Variants in CAMTA1 observed in about 807,000 individuals in gnomAD.
CAMTA1 encodes the protein calmodulin-binding transcription activator 1.
Under a neutral mutation model 170.9 loss-of-function variants are expected in CAMTA1, and 27 were observed. That is an observed-to-expected ratio of 0.16 (90% CI 0.12 to 0.22). The LOEUF (loss-of-function observed/expected upper bound fraction) is 0.22. Among genes scored for constraint, CAMTA1 ranks in the 10% least tolerant of loss-of-function variants. The pLI is 1.00. For missense variants in CAMTA1, 1,619 were observed against 2,217.2 expected (o/e 0.73, Z 5.42); for synonymous variants, 833 against 891.5 (o/e 0.93, Z 1.17).
chr1:7,032,093 G>A (rs2101105734), intron 3 of CAMTA1, among the ~76,000 whole-genome samples: 1 of 152,166 alleles, frequency 6.6e-6, no homozygotes, highest in East Asian at 1.9e-4. Context: ...AGCCTCCTGA[G>A]TAGCTGGTAT....
intron 7 of CAMTA1, among the ~76,000 whole-genome samples, chr1:7,654,767 A>G (rs2095870901): frequency 6.7e-6 from 1 of 148,762 alleles, no homozygotes; most frequent in Non-Finnish European, 1.5e-5. Context: ...AAACACACCC[A>G]CCTAAACACA....
intron 5 of CAMTA1, among the ~76,000 whole-genome samples, chr1:7,380,833 G>T (rs2087241479): frequency 1.3e-5 from 2 of 152,204 alleles, no homozygotes; most frequent in African/African-American, 4.8e-5. Context: ...GATCATTCTG[G>T]ATTGCTAAGC....
chr1:7,229,798 C>T (rs1360837210), intron 4 of CAMTA1, among the ~76,000 whole-genome samples: 1 of 152,072 alleles, frequency 6.6e-6, no homozygotes, highest in East Asian at 1.9e-4. Context: ...GGTTATAAAA[C>T]AGTTGATGTT....
At chr1:7,556,408 A>G (rs183892080) in intron 6 of CAMTA1, among the ~76,000 whole-genome samples, 1 of 152,274 alleles carries the variant, frequency 6.6e-6, no homozygotes, top group Admixed American at 6.5e-5. Context: ...AAATACAGAA[A>G]ATAAAATGGC....
intron 11 of CAMTA1, among the ~76,000 whole-genome samples, chr1:7,731,340 G>A (rs539785920): frequency 3.2e-4 from 48 of 152,158 alleles, no homozygotes; most frequent in Admixed American, 3.0e-3. Flanking sequence ...TTGGGAGGCC[G>A]AGGTGGGCAG....
intron 1 of CAMTA1, among the ~76,000 whole-genome samples, chr1:6,807,543 A>G (rs1644661611): frequency 6.6e-6 from 1 of 151,994 alleles, no homozygotes; most frequent in Non-Finnish European, 1.5e-5. Context: ...ACATGGTGAA[A>G]CCCCGTCTCT....
Position 7,430,541 on chromosome 1 carries a change from GATGGGT to G in CAMTA1, c.439-37285_439-37280del, listed in dbSNP as rs1267310596. ...TGGTGAACCTGCTGCCGATGATGAT[GATGGGT>G]ATGAGGATGACGATGATGGGGATGA... On this transcript the variant is annotated intron_variant, in intron 5 of 22. Coordinates refer to ENST00000303635, the MANE Select transcript of CAMTA1 (RefSeq NM_015215.4). Among the ~76,000 whole-genome samples, 4 of 152,244 alleles carry G rather than the reference GATGGGT, an allele frequency of 2.6e-5. No individual in the cohort carries two copies. In the East Asian group the frequency reaches 7.7e-4, roughly 29 times the overall value.
intron 3 of CAMTA1, among the ~76,000 whole-genome samples, chr1:7,075,299 C>T (rs142274262): frequency 6.6e-6 from 1 of 152,240 alleles, no homozygotes; most frequent in East Asian, 1.9e-4. Context: ...ATGTTATAAC[C>T]CAGAACACAT....
chr1:7,670,800 G>A (rs2096054122), intron 9 of CAMTA1, 111 bp from the exon 10 acceptor site: 17 of 1,232,004 alleles, frequency 1.4e-5, no homozygotes, highest in Admixed American at 2.0e-5. Flanking sequence ...ATCTGCATGG[G>A]GCGAGGGGTA....
In CAMTA1 at chr1:7,284,617, G is replaced by T. The variant is rs1039637462; in HGVS notation, c.438+34991G>T. On this transcript the variant is annotated intron_variant, in intron 5 of 22. Coordinates refer to ENST00000303635, the MANE Select transcript of CAMTA1 (RefSeq NM_015215.4). ...GCTAACTGCAGAGTAAGTCCTTCAT[G>T]CGACGTTTGCTGTGGCTCCTGGCAT... Among the ~76,000 whole-genome samples the T allele has an allele frequency of 2.0e-5, 3 of 152,312 alleles. No homozygotes were observed. In the South Asian group the frequency reaches 6.2e-4, roughly 32 times the overall value.
At chr1:7,269,839 A>T (rs182516673) in intron 5 of CAMTA1, among the ~76,000 whole-genome samples, 1 of 152,328 alleles carries the variant, frequency 6.6e-6, no homozygotes, top group African/African-American at 2.4e-5. Context: ...TCCAAATGTG[A>T]TGAAACTAAA....
intron 5 of CAMTA1, among the ~76,000 whole-genome samples, chr1:7,284,380 T>A: frequency 6.6e-6 from 1 of 151,732 alleles, no homozygotes; most frequent in East Asian, 1.9e-4. Flanking sequence ...ATTTTTGTAT[T>A]TTTAGTAGAG....
At chr1:7,296,040 G>A (rs1367928356) in intron 5 of CAMTA1, among the ~76,000 whole-genome samples, 1 of 152,174 alleles carries the variant, frequency 6.6e-6, no homozygotes, top group African/African-American at 2.4e-5. Context: ...GGGGTTGTTG[G>A]GAGGATACAG....
chr1:7,312,152 A>T (rs1260905900), intron 5 of CAMTA1, among the ~76,000 whole-genome samples: 1 of 152,168 alleles, frequency 6.6e-6, no homozygotes, highest in Non-Finnish European at 1.5e-5. Context: ...GAAAGAAAGC[A>T]ACATGAGTTC....
chr1:7,133,468 T>C (rs1231211415), intron 4 of CAMTA1, among the ~76,000 whole-genome samples: 2 of 152,120 alleles, frequency 1.3e-5, no homozygotes, highest in South Asian at 2.1e-4. Flanking sequence ...TTCTTTTTTT[T>C]CCCTTATCAG....
chr1:7,211,104 A>G (rs568725340), intron 4 of CAMTA1, among the ~76,000 whole-genome samples: 1 of 152,332 alleles, frequency 6.6e-6, no homozygotes, highest in South Asian at 2.1e-4. Context: ...TCATAGATCT[A>G]TTCAGCTATC....
chr1:7,194,585 T>C (rs1655160930), intron 4 of CAMTA1, among the ~76,000 whole-genome samples: 2 of 152,208 alleles, frequency 1.3e-5, no homozygotes, highest in Admixed American at 1.3e-4. Flanking sequence ...TTACATACAT[T>C]TGTTATTGTG....
At position 7,744,760 on chromosome 1, in the gene CAMTA1, G is replaced by A. The variant is rs2096845120; in HGVS notation, c.4183-75G>A. 6.9e-6 allele frequency: 9 copies of A among 1,303,960 alleles called. No individual in the cohort carries two copies. The East Asian group carries it at 7.0e-5, about 10-fold the overall frequency. The allele number at this position is 1,303,960 out of a possible 1,614,324, so 80.8% of individuals were successfully genotyped here. On this transcript the variant is annotated intron_variant, in intron 16 of 22. Transcript: ENST00000303635. ...CTGATTATTTTTTTCTCTCCAAGGC[G>A]AGGCAGGGAGGTAGACCTGGATAAC...
chr1:7,364,952 G>A (rs1425229702), intron 5 of CAMTA1, among the ~76,000 whole-genome samples: 1 of 152,246 alleles, frequency 6.6e-6, no homozygotes, highest in Non-Finnish European at 1.5e-5. Context: ...GAATGGCGGT[G>A]GCCATGGGCT....
Sources: gnomAD v4.1 joint callset for allele counts (sites outside exome capture counted in the v4.1 genomes callset) on GRCh38, gnomAD v4.1.1 for gene constraint, MANE v1.5 for transcripts, NCBI Gene and HGNC (gene_info 2026-07-23, HGNC 2026-07-21) for gene names.